RETREG1: variants seen among roughly 807,000 people sequenced by gnomAD.
RETREG1 encodes the protein reticulophagy regulator 1.
RETREG1 carries 44 observed loss-of-function variants against 54.8 expected under a neutral mutation model. That is an observed-to-expected ratio of 0.80 (90% CI 0.63 to 1.03). RETREG1 has a LOEUF of 1.03. Ranked by LOEUF, RETREG1 falls within the 50% of genes least tolerant of loss-of-function variation. RETREG1 has a pLI of 0.00. For synonymous variants in RETREG1, 217 were observed against 238.5 expected (o/e 0.91, Z 0.83); for missense variants, 554 against 605.1 (o/e 0.92, Z 0.89).
chr5:16,549,765 G>A (rs1023899825), intron 3 of RETREG1, among the ~76,000 whole-genome samples: 2 of 152,198 alleles, frequency 1.3e-5, no homozygotes, highest in East Asian at 1.9e-4. Flanking sequence ...TTCAGTTTTC[G>A]TGCCACAGCA....
intron 3 of RETREG1, among the ~76,000 whole-genome samples, chr5:16,521,908 C>A (rs1740544495): frequency 6.6e-6 from 1 of 152,182 alleles, no homozygotes; most frequent in Admixed American, 6.5e-5. Context: ...GGAAGTAAAT[C>A]ATTATTTCCA....
rs116215856 is a variant in RETREG1, at chr5:16,525,566, T to C, written c.458+40197A>G. 4.1e-3 allele frequency among the ~76,000 whole-genome samples: 623 copies of C among 152,262 alleles called. 4 individuals carry two copies. Among genetic ancestry groups the C allele is most frequent in the African/African-American group, 0.014 (589 of 41,542 alleles). On this transcript the variant is annotated intron_variant, in intron 3 of 8. Coordinates refer to ENST00000306320, the MANE Select transcript of RETREG1 (RefSeq NM_001034850.3). Reference sequence around the variant, plus strand: ...GGGAAACAGGCTTAATCGGATGAGATGGCGTCTTCCTCTGCCCAGGATGGA... The same window carrying C: ...GGGAAACAGGCTTAATCGGATGAGACGGCGTCTTCCTCTGCCCAGGATGGA...
At chr5:16,581,201 C>T (rs1742466651) in intron 1 of RETREG1, among the ~76,000 whole-genome samples, 2 of 152,092 alleles carry the variant, frequency 1.3e-5, no homozygotes, top group Admixed American at 6.6e-5. Context: ...AACCCTTTCT[C>T]GGGAATGGGG....
intron 3 of RETREG1, among the ~76,000 whole-genome samples, chr5:16,490,108 A>G (rs896875736): frequency 6.6e-6 from 1 of 152,198 alleles, no homozygotes; most frequent in African/African-American, 2.4e-5. Context: ...GGGAGAAAGT[A>G]TATGGGAGGC....
chr5:16,593,448 TTCAG>T lies in RETREG1; in HGVS notation c.321-21350_321-21347del, dbSNP rs934051554. Among the ~76,000 whole-genome samples the T allele has an allele frequency of 5.9e-5, 9 of 152,222 alleles. No homozygotes were observed. The highest frequency in any genetic ancestry group is 3.3e-4 in the Admixed American group (5 of 15,286). ...ATACTTTTTTGTTTGCTGTTGCTCA[TTCAG>T]TATTTGTTGTACAAATGATTCAATT... On this transcript the variant is annotated intron_variant, in intron 1 of 8. Transcript: ENST00000306320. This position sits in a 1 kb window ranked among gnomAD's most constrained non-coding sequence, Gnocchi z 4.9.
chr5:16,549,577 C>T (rs1245820425), intron 3 of RETREG1, among the ~76,000 whole-genome samples: 4 of 152,192 alleles, frequency 2.6e-5, no homozygotes, highest in Non-Finnish European at 5.9e-5. Flanking sequence ...TAGACATTCT[C>T]TCAATTACTG....
intron 3 of RETREG1, among the ~76,000 whole-genome samples, chr5:16,498,729 A>G (rs1434810583): frequency 6.6e-6 from 1 of 152,184 alleles, no homozygotes; most frequent in Non-Finnish European, 1.5e-5. Context: ...GAGAAAAACA[A>G]TGGTGCATCC....
At chr5:16,612,507 T>C (rs1210280973) in intron 1 of RETREG1, among the ~76,000 whole-genome samples, 2 of 152,252 alleles carry the variant, frequency 1.3e-5, no homozygotes, top group African/African-American at 2.4e-5. Flanking sequence ...TGTAAGGCTA[T>C]GTTAGTTAAT....
intron 1 of RETREG1, among the ~76,000 whole-genome samples, chr5:16,591,408 A>C (rs1253082719): frequency 6.6e-6 from 1 of 152,236 alleles, no homozygotes; most frequent in Non-Finnish European, 1.5e-5. Flanking sequence ...GAGAGCCAGA[A>C]TGAGGACTTG....
At chr5:16,503,806 T>C (rs1021442932) in intron 3 of RETREG1, among the ~76,000 whole-genome samples, 4 of 152,222 alleles carry the variant, frequency 2.6e-5, no homozygotes, top group African/African-American at 7.2e-5. Context: ...ACTCTTATCT[T>C]GGCCCACAAT....
At chr5:16,556,036 A>C (rs1205767127) in intron 3 of RETREG1, among the ~76,000 whole-genome samples, 2 of 152,230 alleles carry the variant, frequency 1.3e-5, no homozygotes, top group Non-Finnish European at 2.9e-5. Flanking sequence ...CTAACTAATC[A>C]AACCTAATAA....
At chr5:16,526,113 A>C (rs1740709514) in intron 3 of RETREG1, among the ~76,000 whole-genome samples, 1 of 152,250 alleles carries the variant, frequency 6.6e-6, no homozygotes, top group Non-Finnish European at 1.5e-5. Flanking sequence ...TGCCTGGGCA[A>C]GTTGACATGA....
At position 16,616,840 on chromosome 5, in the gene RETREG1, C is replaced by A; in HGVS notation, c.132G>T (p.Ala44=). The A allele has an allele frequency of 6.6e-7, 1 of 1,513,960 alleles. No individual in the cohort carries two copies. Among genetic ancestry groups the A allele is most frequent in the Non-Finnish European group, 8.8e-7 (1 of 1,138,640 alleles). The allele number at this position is 1,513,960 out of a possible 1,614,324, so 93.8% of individuals were successfully genotyped here. Residue 44 remains alanine, a synonymous_variant, in exon 1 of 9, where the codon GCG becomes GCT. Coordinates refer to ENST00000306320, the MANE Select transcript of RETREG1 (RefSeq NM_001034850.3). ...CGCCCTCCGCCGCCCCAGCTTCCTGCGCTTCCTCCTCCTGCTGCTGCCGCT... is the reference window on the plus strand; with the variant it reads ...CGCCCTCCGCCGCCCCAGCTTCCTGAGCTTCCTCCTCCTGCTGCTGCCGCT... ...PAERQQQEEE[A]QEAGAAEGAG... is the part of the protein sequence containing the mutation.
intron 1 of RETREG1, among the ~76,000 whole-genome samples, chr5:16,575,808 A>G (rs889229940): frequency 6.6e-6 from 1 of 152,266 alleles, no homozygotes; most frequent in African/African-American, 2.4e-5. Context: ...GGTTAGTGTC[A>G]TATAAACATG....
In RETREG1 at chr5:16,547,047, C is replaced by T. The variant is rs1428468221; in HGVS notation, c.458+18716G>A. ...TGTTCTGACATCAACGGAAATACAA[C>T]AAAATCTTGACACAATGCGAGGGAC... On this transcript the variant is annotated intron_variant, in intron 3 of 8. Coordinates refer to ENST00000306320, the MANE Select transcript of RETREG1 (RefSeq NM_001034850.3). 2.0e-5 allele frequency among the ~76,000 whole-genome samples: 3 copies of T among 152,308 alleles called. No homozygotes were observed. In the East Asian group the frequency reaches 5.8e-4, roughly 29 times the overall value.
At chr5:16,611,260 C>T (rs976165267) in intron 1 of RETREG1, among the ~76,000 whole-genome samples, 3 of 151,894 alleles carry the variant, frequency 2.0e-5, no homozygotes, top group Non-Finnish European at 4.4e-5. Context: ...GTCATGGGGT[C>T]GGGGGAGTGG....
rs530434057 is a variant in RETREG1, at chr5:16,576,858, C to T, written c.321-4756G>A. ...TCTCGATCTCTTAACCTTGTGATCC[C>T]CCCGCCTCCACCTCCCAAAGTCCTG... On this transcript the variant is annotated intron_variant, in intron 1 of 8. Transcript: ENST00000306320. Among the ~76,000 whole-genome samples the T allele has an allele frequency of 8.6e-5, 13 of 151,572 alleles. No individual in the cohort carries two copies. In the East Asian group the frequency reaches 2.5e-3, roughly 29 times the overall value.
chr5:16,592,389 AG>A (rs1561132748), intron 1 of RETREG1, among the ~76,000 whole-genome samples: 1 of 152,238 alleles, frequency 6.6e-6, no homozygotes, highest in Non-Finnish European at 1.5e-5. Flanking sequence ...ATTACAAAAA[AG>A]TCAAAAATAA....
intron 1 of RETREG1, among the ~76,000 whole-genome samples, chr5:16,576,325 G>C (rs1264681880): frequency 8.3e-6 from 1 of 119,810 alleles, no homozygotes; most frequent in African/African-American, 3.4e-5. Flanking sequence ...ATGGAGTCTT[G>C]CTCTGTCGCC....
Sources: gnomAD v4.1 joint callset for allele counts (sites outside exome capture counted in the v4.1 genomes callset) on GRCh38, gnomAD v4.1.1 for gene constraint, Gnocchi (gnomAD v3.1) non-coding constraint, MANE v1.5 for transcripts, NCBI Gene and HGNC (gene_info 2026-07-23, HGNC 2026-07-21) for gene names.